Variants in GRK5 observed in about 807,000 individuals in gnomAD.
The protein encoded by GRK5 is G protein-coupled receptor kinase 5, also known as g protein-coupled receptor kinase GRK5.
A neutral mutation model predicts 78.4 loss-of-function variants in GRK5; 40 were observed. The observed-to-expected ratio is 0.51, with a 90% CI of 0.40 to 0.66. The LOEUF is 0.66. GRK5 is among the 30% of genes least tolerant of loss of function. The pLI is 0.00. For synonymous variants in GRK5, 289 were observed against 296.8 expected (o/e 0.97, Z 0.27); for missense variants, 598 against 759.9 (o/e 0.79, Z 2.50).
intron 1 of GRK5, among the ~76,000 whole-genome samples, chr10:119,278,165 A>G (rs910931258): frequency 6.6e-6 from 1 of 152,144 alleles, no homozygotes; most frequent in Non-Finnish European, 1.5e-5. Context: ...CGTTGTTTTT[A>G]GATAAGCTTC....
chr10:119,371,862 G>C (rs112474452), intron 2 of GRK5, among the ~76,000 whole-genome samples: 6 of 152,354 alleles, frequency 3.9e-5, no homozygotes, highest in African/African-American at 1.4e-4. Flanking sequence ...GCTGGGCCAG[G>C]TGCTCACATG....
At position 119,267,492 on chromosome 10, in the gene GRK5, C is replaced by A. The variant is rs1303763006; in HGVS notation, c.53-59024C>A. Among the ~76,000 whole-genome samples the A allele has an allele frequency of 6.6e-6, 1 of 152,190 alleles. No homozygotes were observed. Among genetic ancestry groups the A allele is most frequent in the African/African-American group, 2.4e-5 (1 of 41,446 alleles). ...ATAACAGGGCCTTGGGCAGCAGACT[C>A]CTCACCGTGGCCAGGCAAGGGATTC... On this transcript the variant is annotated intron_variant, in intron 1 of 15. Coordinates refer to ENST00000392870, the MANE Select transcript of GRK5 (RefSeq NM_005308.3). The surrounding 1 kb of genome is among the most constrained non-coding windows in gnomAD (Gnocchi z 4.1).
intron 3 of GRK5, among the ~76,000 whole-genome samples, chr10:119,392,534 C>G (rs745905634): frequency 9.2e-5 from 14 of 152,202 alleles, no homozygotes; most frequent in Non-Finnish European, 1.3e-4. Flanking sequence ...TCCCAAGTAG[C>G]TGGGATTACA....
At chr10:119,249,985 GTC>G (rs1849175488) in intron 1 of GRK5, among the ~76,000 whole-genome samples, 2 of 152,208 alleles carry the variant, frequency 1.3e-5, no homozygotes, top group Admixed American at 1.3e-4. Context: ...CAACAGTGGA[GTC>G]TCTGCTTTCC....
rs1371764529 is a variant in GRK5, at chr10:119,412,400, G to A, written c.340-10766G>A. On this transcript the variant is annotated intron_variant, in intron 4 of 15. Transcript: ENST00000392870. This position sits in a 1 kb window ranked among gnomAD's most constrained non-coding sequence, Gnocchi z 4.3. ...GTGAAGAGCTGGGCGTGCTTGGGCC[G>A]AGGGCTGCTGGATGTTGGCATCAGG... Among the ~76,000 whole-genome samples, 2 of 152,212 alleles carry A rather than the reference G, an allele frequency of 1.3e-5. No homozygotes were observed. The highest frequency in any genetic ancestry group is 2.4e-5 in the African/African-American group (1 of 41,458).
intron 1 of GRK5, among the ~76,000 whole-genome samples, chr10:119,303,441 G>T (rs1409089540): frequency 6.6e-6 from 1 of 152,120 alleles, no homozygotes; most frequent in Non-Finnish European, 1.5e-5. Flanking sequence ...TCAGGCAGGG[G>T]CACAGCCAGC....
At chr10:119,370,592 G>A (rs545427598) in intron 2 of GRK5, among the ~76,000 whole-genome samples, 17 of 152,296 alleles carry the variant, frequency 1.1e-4, no homozygotes, top group East Asian at 1.9e-4. Flanking sequence ...TCCAAGGGGC[G>A]GGCTGGGAAG....
chr10:119,269,208 C>T lies in GRK5; in HGVS notation c.53-57308C>T, dbSNP rs561226798. Among the ~76,000 whole-genome samples, 8 of 152,322 alleles carry T rather than the reference C, an allele frequency of 5.3e-5. No individual in the cohort carries two copies. In the East Asian group the frequency reaches 5.8e-4, roughly 11 times the overall value. The stretch of plus-strand genomic sequence containing the variant: ...TTTCACAGGAAGTTTGATGACCTGA[C>T]GCGTTCCCCCTGCTTGTTGAAGCAC... On this transcript the variant is annotated intron_variant, in intron 1 of 15. Transcript: ENST00000392870.
Position 119,421,138 on chromosome 10 carries a change from G to A in GRK5, c.340-2028G>A, listed in dbSNP as rs190760060. 7.2e-4 allele frequency among the ~76,000 whole-genome samples: 110 copies of A among 152,316 alleles called. 1 individual carries two copies. The highest frequency in any genetic ancestry group is 2.3e-3 in the African/African-American group (94 of 41,574). On this transcript the variant is annotated intron_variant, in intron 4 of 15. Coordinates refer to ENST00000392870, the MANE Select transcript of GRK5 (RefSeq NM_005308.3). ...CAACACATTGTATCGTCTTGCTCAC[G>A]AACAGACAACCAGCACCAGCTCCGT...
rs1222559792 is a variant in GRK5 at position 119,304,823 on chromosome 10, T to C, written c.53-21693T>C. Among the ~76,000 whole-genome samples, 3 of 152,360 alleles carry C rather than the reference T, an allele frequency of 2.0e-5. 1 individual carries two copies. The South Asian group carries it at 6.2e-4, about 32-fold the overall frequency. On this transcript the variant is annotated intron_variant, in intron 1 of 15. Transcript: ENST00000392870. ...GAGATGCTTGCCCTGTGCACGCAGATGCGGACCAGCAGGGCATTTGCAGAA... is the reference window on the plus strand; with the variant it reads ...GAGATGCTTGCCCTGTGCACGCAGACGCGGACCAGCAGGGCATTTGCAGAA...
At chr10:119,417,225 G>A (rs1173840817) in intron 4 of GRK5, among the ~76,000 whole-genome samples, 4 of 152,214 alleles carry the variant, frequency 2.6e-5, no homozygotes, top group African/African-American at 4.8e-5. Context: ...TGATCCACAC[G>A]TGCTTCCCGG....
intron 2 of GRK5, among the ~76,000 whole-genome samples, chr10:119,354,287 T>A (rs1187769107): frequency 6.6e-6 from 1 of 152,058 alleles, no homozygotes; most frequent in Non-Finnish European, 1.5e-5. Context: ...TCTTAGCAGA[T>A]TTCCAGTGTA....
In GRK5 at chr10:119,430,532, T is replaced by C; in HGVS notation, c.597+94T>C. ...TCAACCTAAAGGGTTGGCCCACGGGTCCCCCGGGGGCACCAGTGGCTCAAT... is the reference window on the plus strand; with the variant it reads ...TCAACCTAAAGGGTTGGCCCACGGGCCCCCCGGGGGCACCAGTGGCTCAAT... On this transcript the variant is annotated intron_variant, in intron 7 of 15. Coordinates refer to ENST00000392870, the MANE Select transcript of GRK5 (RefSeq NM_005308.3). This position sits in a 1 kb window ranked among gnomAD's most constrained non-coding sequence, Gnocchi z 4.5. 6.2e-6 allele frequency: 7 copies of C among 1,128,774 alleles called. No homozygotes were observed. The highest frequency in any genetic ancestry group is 9.0e-6 in the Non-Finnish European group (7 of 774,822). 69.9% of individuals were successfully genotyped at this position (1,128,774 alleles called of 1,614,324 possible).
At chr10:119,266,473 A>AT (rs1849499931) in intron 1 of GRK5, among the ~76,000 whole-genome samples, 1 of 152,044 alleles carries the variant, frequency 6.6e-6, no homozygotes. Flanking sequence ...AAAAAAAAAA[A>AT]GAAATGATGC....
chr10:119,416,587 CTCT>C (rs1270539289), intron 4 of GRK5, among the ~76,000 whole-genome samples: 24 of 12,290 alleles, frequency 2.0e-3, no homozygotes, highest in African/African-American at 4.5e-3. Flanking sequence ...CTCTCTCTCT[CTCT>C]TTTTTTTTTT....
intron 2 of GRK5, among the ~76,000 whole-genome samples, chr10:119,344,095 G>A (rs577664788): frequency 6.6e-6 from 1 of 151,622 alleles, no homozygotes; most frequent in African/African-American, 2.4e-5. Flanking sequence ...TTTTTGGCGG[G>A]GGGTAACAGA....
chr10:119,437,186 G>C (rs1852937963), intron 9 of GRK5, among the ~76,000 whole-genome samples: 1 of 152,252 alleles, frequency 6.6e-6, no homozygotes, highest in Non-Finnish European at 1.5e-5. Flanking sequence ...CAGGGAAGCT[G>C]GGAGGGGGCC....
Position 119,396,752 on chromosome 10 carries a change from A to G in GRK5, c.319A>G (p.Thr107Ala), listed in dbSNP as rs1025183445. Residue 107 changes from threonine (T) to alanine (A), a missense_variant, in exon 4 of 16, where the codon ACC becomes GCC. By Grantham distance (58) the Thr-to-Ala change is moderately conservative. Transcript: ENST00000392870. ...KLGEKGKEIM[T>A]KYLTPKSPVF... ...GGGAGAGAAAGGGAAGGAAATTATG[A>G]CCAAGTACCTCACCCCAAAGGTAAG... is the stretch of plus-strand genomic sequence containing the variant. 5 of 1,613,626 alleles carry G rather than the reference A, an allele frequency of 3.1e-6. No individual in the cohort carries two copies. The Middle Eastern group carries it at 5.0e-4, about 160-fold the overall frequency.
chr10:119,367,252 TC>T (rs925133989), intron 2 of GRK5, among the ~76,000 whole-genome samples: 1 of 152,168 alleles, frequency 6.6e-6, no homozygotes, highest in African/African-American at 2.4e-5. Context: ...GCTCTAGCCT[TC>T]CCTGTGTTAG....
Sources: allele counts gnomAD v4.1 joint callset (sites outside exome capture counted in the v4.1 genomes callset), GRCh38; gene constraint gnomAD v4.1.1; non-coding constraint Gnocchi (gnomAD v3.1); transcripts MANE v1.5; gene names NCBI Gene and HGNC (gene_info 2026-07-23, HGNC 2026-07-21).